DAAM2: variants seen among roughly 807,000 people sequenced by gnomAD.
DAAM2 encodes the protein disheveled-associated activator of morphogenesis 2.
DAAM2 carries 39 observed loss-of-function variants against 120.7 expected under a neutral mutation model. The ratio of observed to expected loss-of-function variants is 0.32; its 90% confidence interval spans 0.25 to 0.42. The LOEUF is 0.42. Ranked by LOEUF, DAAM2 falls within the 10% of genes least tolerant of loss-of-function variation. The probability of loss-of-function intolerance (pLI) is 1.00; values close to 1 mark genes in which losing one functional copy is unlikely to be tolerated. For synonymous variants in DAAM2, 488 were observed against 524.9 expected (o/e 0.93, Z 0.96); for missense variants, 1,283 against 1,401.7 (o/e 0.92, Z 1.35).
Position 39,901,219 on chromosome 6 carries a change from TG to T in DAAM2, c.2812-81del. 7.4e-7 allele frequency: 1 copy of T among 1,344,160 alleles called. No individual in the cohort carries two copies. Among genetic ancestry groups the T allele is most frequent in the Non-Finnish European group, 1.0e-6 (1 of 961,708 alleles). The allele number at this position is 1,344,160 out of a possible 1,614,324, so 83.3% of individuals were successfully genotyped here. The stretch of plus-strand genomic sequence containing the variant: ...CCCAGCCTTGCGCTGGGCTCTGCTC[TG>T]GCTAGAACCCAGCTAACCTCAGGGG... On this transcript the variant is annotated intron_variant, in intron 23 of 24. Coordinates refer to ENST00000274867, the MANE Select transcript of DAAM2 (RefSeq NM_001201427.2). The surrounding 1 kb of genome is among the most constrained non-coding windows in gnomAD (Gnocchi z 4.5).
At chr6:39,814,424 A>G (rs1446468719) in intron 1 of DAAM2, among the ~76,000 whole-genome samples, 1 of 152,184 alleles carries the variant, frequency 6.6e-6, no homozygotes, top group Non-Finnish European at 1.5e-5. Flanking sequence ...CTGGCCACAG[A>G]TGGAGCTCTG....
chr6:39,818,200 A>C lies in DAAM2; in HGVS notation c.-57+25735A>C, dbSNP rs892136857. 4.1e-4 allele frequency among the ~76,000 whole-genome samples: 60 copies of C among 147,936 alleles called. 1 individual carries two copies. The highest frequency in any genetic ancestry group is 1.0e-3 in the African/African-American group (39 of 38,540). On this transcript the variant is annotated intron_variant, in intron 1 of 24. Transcript: ENST00000274867. ...TCTCAATTAAAAAAAAAAAAAAAAAAAAAAAACTTCACAGTAACCTTTATA... is the reference window on the plus strand; with the variant it reads ...TCTCAATTAAAAAAAAAAAAAAAAACAAAAAACTTCACAGTAACCTTTATA...
chr6:39,817,211 G>T (rs1195027292), intron 1 of DAAM2, among the ~76,000 whole-genome samples: 2 of 152,152 alleles, frequency 1.3e-5, no homozygotes, highest in Non-Finnish European at 2.9e-5. Flanking sequence ...GAGTCTTTCT[G>T]GGAGGCCAGG....
chr6:39,862,059 A>G (rs1377128614), intron 3 of DAAM2: 1 of 152,236 alleles, frequency 6.6e-6, no homozygotes, highest in Non-Finnish European at 1.5e-5. Context: ...AGTTGCAGGA[A>G]CCTGGAAAAC....
rs143725882 is a variant in DAAM2 at position 39,813,146 on chromosome 6, T to TTGTGTG, written c.-57+20696_-57+20701dup. ...GAGAGAGAAGGAAAGAAGAGGCAGA[T>TTGTGTG]TGTGTGTGTGTGTGTGTGTGCGTGT... is the stretch of plus-strand genomic sequence containing the variant. On this transcript the variant is annotated intron_variant, in intron 1 of 24. Transcript: ENST00000274867. 4.0e-5 allele frequency among the ~76,000 whole-genome samples: 6 copies of TTGTGTG among 149,416 alleles called. 1 individual carries two copies. The highest frequency in any genetic ancestry group is 4.3e-4 in the South Asian group (2 of 4,670).
chr6:39,867,639 C>G lies in DAAM2; in HGVS notation c.558C>G (p.Asn186Lys). ...TTGGCTGCATCAAAGCATTGATGAA[C>G]AACTCCCAGGGGCGGGCACATGTGC... is the stretch of plus-strand genomic sequence containing the variant. Reference protein sequence around the residue: ...SLIGCIKALMNNSQGRAHVLA... With the variant: ...SLIGCIKALMKNSQGRAHVLA... The change falls in exon 6 of 25, where the codon AAC (asparagine) becomes AAG (lysine). Residue 186 changes from asparagine to lysine, a missense_variant. This residue lies in a region of DAAM2 where 338 missense variants were observed against 443.9 expected (regional missense o/e 0.76). Transcript: ENST00000274867. 3 of 1,614,058 alleles carry G rather than the reference C, an allele frequency of 1.9e-6. No homozygotes were observed. Among genetic ancestry groups the G allele is most frequent in the Non-Finnish European group, 2.5e-6 (3 of 1,179,912 alleles).
chr6:39,836,187 TC>T (rs1763096405), intron 1 of DAAM2, among the ~76,000 whole-genome samples: 1 of 152,138 alleles, frequency 6.6e-6, no homozygotes. Flanking sequence ...CATTCTCAGT[TC>T]TGTGCACTGG....
chr6:39,901,376 T>TA lies in DAAM2; in HGVS notation c.2887dup (p.Thr963AsnfsTer40), dbSNP rs1766469639. The TA allele has an allele frequency of 6.2e-7, 1 of 1,613,806 alleles. No individual in the cohort carries two copies. The highest frequency in any genetic ancestry group is 1.3e-5 in the African/African-American group (1 of 74,910). On this transcript the variant is annotated frameshift_variant, in exon 24 of 25. Transcript: ENST00000274867. LOFTEE classifies it high-confidence loss of function. The surrounding 1 kb of genome is among the most constrained non-coding windows in gnomAD (Gnocchi z 4.5). ...CAGACGAATTCTTTGGCATCTTTGA[T>TA]ACCTTCTTGCAGGCCTTCTCAGAGG...
At chr6:39,808,755 C>T (rs72855658) in intron 1 of DAAM2, among the ~76,000 whole-genome samples, 25 of 152,342 alleles carry the variant, frequency 1.6e-4, no homozygotes, top group South Asian at 6.2e-4. Flanking sequence ...TGACCCAGTC[C>T]GTGAACCTTA....
chr6:39,794,815 A>C (rs1761652684), intron 1 of DAAM2, among the ~76,000 whole-genome samples: 1 of 152,230 alleles, frequency 6.6e-6, no homozygotes, highest in South Asian at 2.1e-4. Context: ...ATTTGATTTT[A>C]CTAGAGCCAA....
chr6:39,816,039 A>G (rs756336598), intron 1 of DAAM2, among the ~76,000 whole-genome samples: 14 of 152,344 alleles, frequency 9.2e-5, no homozygotes, highest in Middle Eastern at 3.4e-3. Flanking sequence ...AAGAGTAGCA[A>G]TGAAGATTTA....
intron 10 of DAAM2, among the ~76,000 whole-genome samples, chr6:39,873,931 T>C (rs555151699): frequency 6.6e-6 from 1 of 152,288 alleles, no homozygotes; most frequent in Admixed American, 6.5e-5. Flanking sequence ...CACTCCAGAA[T>C]GCAATTTGAA....
chr6:39,837,423 C>G (rs534236818), intron 1 of DAAM2, among the ~76,000 whole-genome samples: 1 of 152,146 alleles, frequency 6.6e-6, no homozygotes, highest in Admixed American at 6.5e-5. Context: ...CTGCTATTCT[C>G]GAACTCCTGA....
chr6:39,899,954 G>GC (rs1554186113), intron 22 of DAAM2, 123 bp from the exon 23 acceptor site: 3 of 1,097,750 alleles, frequency 2.7e-6, no homozygotes, highest in Admixed American at 5.4e-5. Flanking sequence ...ACTTTGAGAT[G>GC]CAGGGTGTTC....
chr6:39,837,045 C>T (rs1223224875), intron 1 of DAAM2, among the ~76,000 whole-genome samples: 1 of 152,222 alleles, frequency 6.6e-6, no homozygotes, highest in East Asian at 1.9e-4. Context: ...GTCAACATCT[C>T]TGGGAGTGGG....
At chr6:39,868,200 T>G (rs903994431) in intron 6 of DAAM2, 3 of 294,764 alleles carry the variant, frequency 1.0e-5, no homozygotes, top group Non-Finnish European at 1.9e-5. Context: ...CTGAATTGAG[T>G]GCAATTGCTG....
intron 14 of DAAM2, among the ~76,000 whole-genome samples, chr6:39,881,101 A>G (rs2149334387): frequency 6.6e-6 from 1 of 152,374 alleles, no homozygotes; most frequent in Middle Eastern, 3.4e-3. Context: ...GAAGACAGCT[A>G]AAGCAAGCAA....
At chr6:39,900,357 A>G in intron 23 of DAAM2, 149 bp downstream of exon 23, 1 of 871,594 alleles carries the variant, frequency 1.1e-6, no homozygotes, top group East Asian at 2.8e-5. Flanking sequence ...TAACAAGACA[A>G]GCAATGATAA....
At chr6:39,887,443 G>A (rs1229132296) in intron 15 of DAAM2, 43 bp from the exon 16 acceptor site, 1 of 1,469,184 alleles carries the variant, frequency 6.8e-7, no homozygotes, top group East Asian at 2.3e-5. Context: ...AGGAGGATTA[G>A]GGAACCCACA....
Sources: allele counts gnomAD v4.1 joint callset (sites outside exome capture counted in the v4.1 genomes callset), GRCh38; gene constraint gnomAD v4.1.1; regional missense constraint gnomAD v4.1.1; non-coding constraint Gnocchi (gnomAD v3.1); transcripts MANE v1.5; gene names NCBI Gene and HGNC (gene_info 2026-07-23, HGNC 2026-07-21).